Variants in GXYLT1 observed in about 807,000 individuals in gnomAD.
The protein encoded by GXYLT1 is glycosyltransferase 8 domain containing 3.
Under a neutral mutation model 54.0 loss-of-function variants are expected in GXYLT1, and 29 were observed. That is an observed-to-expected ratio of 0.54 (90% CI 0.40 to 0.73). The LOEUF (loss-of-function observed/expected upper bound fraction) is 0.73. GXYLT1 is among the 30% of genes least tolerant of loss of function. The pLI is 0.00. For missense variants in GXYLT1, 490 were observed against 553.4 expected (o/e 0.89, Z 1.15); for synonymous variants, 176 against 204.1 (o/e 0.86, Z 1.17).
intron 7 of GXYLT1, among the ~76,000 whole-genome samples, chr12:42,095,615 C>T (rs896419460): frequency 1.3e-5 from 2 of 152,016 alleles, no homozygotes; most frequent in African/African-American, 4.8e-5. Context: ...AATTGGTACC[C>T]GATAGAGGTA....
intron 5 of GXYLT1, among the ~76,000 whole-genome samples, chr12:42,103,369 G>A (rs1205907887): frequency 2.0e-5 from 3 of 152,190 alleles, no homozygotes; most frequent in Admixed American, 1.3e-4. Context: ...TATGACCTTT[G>A]TCCTAAATTT....
chr12:42,086,435 T>C lies in GXYLT1; in HGVS notation c.*1351A>G, dbSNP rs1328347689. 2 of 152,376 alleles carry C rather than the reference T, an allele frequency of 1.3e-5. No individual in the cohort carries two copies. The highest frequency in any genetic ancestry group is 1.3e-4 in the Admixed American group (2 of 15,306). 9.4% of individuals were successfully genotyped at this position (152,376 alleles called of 1,614,324 possible). A position where few individuals can be genotyped will look rare whatever the true frequency, so the allele number is the denominator to read the frequency against. On this transcript the variant is annotated 3_prime_UTR_variant, in exon 8 of 8. Transcript: ENST00000398675. ...TAACTGCCACAATTTTCACAGGTTG[T>C]ATTTTTCCTTCATGATTTTCCATTT... is the stretch of plus-strand genomic sequence containing the variant.
At chr12:42,114,904 C>T (rs2136900807) in intron 3 of GXYLT1, among the ~76,000 whole-genome samples, 1 of 152,194 alleles carries the variant, frequency 6.6e-6, no homozygotes, top group Admixed American at 6.5e-5. Flanking sequence ...AAACCGAATC[C>T]AGCAGCACAT....
intron 7 of GXYLT1, among the ~76,000 whole-genome samples, chr12:42,088,239 G>A (rs768399654): frequency 2.0e-5 from 3 of 151,834 alleles, no homozygotes; most frequent in African/African-American, 4.8e-5. Flanking sequence ...CGAGTATCTC[G>A]GTGAAACTAA....
At chr12:42,141,270 A>C (rs2136923945) in intron 1 of GXYLT1, among the ~76,000 whole-genome samples, 1 of 152,330 alleles carries the variant, frequency 6.6e-6, no homozygotes, top group African/African-American at 2.4e-5. Context: ...GAAAAACCCC[A>C]TGAACAAAGT....
chr12:42,101,030 GA>G (rs1435353627), intron 5 of GXYLT1, among the ~76,000 whole-genome samples: 1 of 151,252 alleles, frequency 6.6e-6, no homozygotes, highest in African/African-American at 2.4e-5. Context: ...GCAGTCTTAG[GA>G]AAAAAATAAA....
At position 42,095,503 on chromosome 12, in the gene GXYLT1, T is replaced by C. The variant is rs916384563; in HGVS notation, c.1161+1939A>G. On this transcript the variant is annotated intron_variant, in intron 7 of 7. Coordinates refer to ENST00000398675, the MANE Select transcript of GXYLT1 (RefSeq NM_173601.2). Reference sequence around the variant, plus strand: ...AAAAAGCAAAGAATGAATGAAGATATACACTAAGCTACCTTTTGTGTAAGA... The same window carrying C: ...AAAAAGCAAAGAATGAATGAAGATACACACTAAGCTACCTTTTGTGTAAGA... Among the ~76,000 whole-genome samples the C allele has an allele frequency of 2.6e-5, 4 of 151,858 alleles. No individual in the cohort carries two copies. The East Asian group carries it at 7.7e-4, about 29-fold the overall frequency.
intron 7 of GXYLT1, 63 bp downstream of exon 7, chr12:42,097,379 C>G: frequency 3.9e-6 from 5 of 1,289,700 alleles, no homozygotes; most frequent in Non-Finnish European, 5.2e-6. Flanking sequence ...TTTTTGTAAA[C>G]TAACCATTAG....
chr12:42,129,564 T>C (rs7137522), intron 2 of GXYLT1, among the ~76,000 whole-genome samples, 195 bp downstream of exon 2: 78,151 of 151,996 alleles, frequency 0.51, 20,528 homozygotes, highest in South Asian at 0.7. Context: ...TAAGAAAATT[T>C]AAAGCATTTA....
At chr12:42,132,236 G>A (rs953140793) in intron 1 of GXYLT1, among the ~76,000 whole-genome samples, 2 of 152,114 alleles carry the variant, frequency 1.3e-5, no homozygotes, top group Non-Finnish European at 2.9e-5. Context: ...AGACTCCCCA[G>A]AGAAGTGGCC....
intron 5 of GXYLT1, among the ~76,000 whole-genome samples, chr12:42,104,797 T>A (rs1169828369): frequency 6.6e-6 from 1 of 152,180 alleles, no homozygotes; most frequent in Non-Finnish European, 1.5e-5. Context: ...TACATACATA[T>A]AAATGTACAC....
chr12:42,114,868 G>A (rs2065483187), intron 3 of GXYLT1, among the ~76,000 whole-genome samples: 2 of 151,876 alleles, frequency 1.3e-5, no homozygotes. Flanking sequence ...GAACATCGAT[G>A]CAAAAATCCT....
chr12:42,097,191 T>C (rs1221902722), intron 7 of GXYLT1, among the ~76,000 whole-genome samples: 1 of 151,916 alleles, frequency 6.6e-6, no homozygotes, highest in Non-Finnish European at 1.5e-5. Flanking sequence ...CTGAAGTTTT[T>C]AGGGGTAAAA....
chr12:42,118,999 C>T lies in GXYLT1; in HGVS notation c.486+1G>A. On this transcript the variant is annotated splice_donor_variant, in intron 3 of 7. Transcript: ENST00000398675. LOFTEE classifies it high-confidence loss of function. ...ACCTTGACTATGTCTCAAATACTTA[C>T]TCTGCCTTTAAAGCTATGATGTAGC... The T allele has an allele frequency of 7.9e-7, 1 of 1,270,796 alleles. No homozygotes were observed. The allele number at this position is 1,270,796 out of a possible 1,614,324, so 78.7% of individuals were successfully genotyped here.
rs2065510583 is a variant in GXYLT1, at chr12:42,118,537, GAATA to G, written c.486+459_486+462del. 2.6e-5 allele frequency among the ~76,000 whole-genome samples: 4 copies of G among 152,336 alleles called. 1 individual carries two copies. In the South Asian group the frequency reaches 8.3e-4, roughly 32 times the overall value. ...CCCCACTTACAAGGGCAGTGTTACA[GAATA>G]AATATTTTTGTGCAATTAAGAAATA... On this transcript the variant is annotated intron_variant, in intron 3 of 7. Transcript: ENST00000398675.
chr12:42,139,546 A>G (rs1418890875), intron 1 of GXYLT1, among the ~76,000 whole-genome samples: 1 of 152,156 alleles, frequency 6.6e-6, no homozygotes, highest in East Asian at 1.9e-4. Context: ...CCATCTATGA[A>G]CCAGGAAATG....
Position 42,118,644 on chromosome 12 carries a change from G to A in GXYLT1, c.486+356C>T, listed in dbSNP as rs557092289. On this transcript the variant is annotated intron_variant, in intron 3 of 7. Transcript: ENST00000398675. The stretch of plus-strand genomic sequence containing the variant: ...TGTAATTCCCACGTGTCAAGGGAGG[G>A]ACCTAGTGGGAGATGACTCGATCAT... Among the ~76,000 whole-genome samples, 3 of 152,314 alleles carry A rather than the reference G, an allele frequency of 2.0e-5. No homozygotes were observed. The South Asian group carries it at 6.2e-4, about 32-fold the overall frequency.
At chr12:42,113,966 T>C (rs1188349074) in intron 3 of GXYLT1, among the ~76,000 whole-genome samples, 1 of 151,990 alleles carries the variant, frequency 6.6e-6, no homozygotes, top group Non-Finnish European at 1.5e-5. Context: ...GAACTCAGGA[T>C]TAAGAAACTC....
intron 2 of GXYLT1, among the ~76,000 whole-genome samples, chr12:42,125,219 G>A (rs2065553577): frequency 6.6e-6 from 1 of 152,222 alleles, no homozygotes; most frequent in African/African-American, 2.4e-5. Flanking sequence ...AAGAGTTAAT[G>A]TAGACTGACA....
Sources: allele counts gnomAD v4.1 joint callset (sites outside exome capture counted in the v4.1 genomes callset), GRCh38; gene constraint gnomAD v4.1.1; transcripts MANE v1.5; gene names NCBI Gene and HGNC (gene_info 2026-07-23, HGNC 2026-07-21).